Variants in TTBK2 observed in about 807,000 individuals in gnomAD.
TTBK2 encodes the protein tau tubulin kinase 2, also known as tau-tubulin kinase 2.
Under a neutral mutation model 110.8 loss-of-function variants are expected in TTBK2, and 28 were observed. That is an observed-to-expected ratio of 0.25 (90% CI 0.19 to 0.35). TTBK2 has a LOEUF of 0.35. Ranked by LOEUF, TTBK2 falls within the 10% of genes least tolerant of loss-of-function variation. TTBK2 has a pLI of 1.00. For missense variants in TTBK2, 1,369 were observed against 1,500.3 expected, an observed-to-expected ratio of 0.91 and a Z score of 1.45; for synonymous variants, 532 against 527.3, an observed-to-expected ratio of 1.01 and a Z score of -0.12.
At chr15:42,819,091 T>G (rs1487240076) in intron 6 of TTBK2, among the ~76,000 whole-genome samples, 1 of 151,326 alleles carries the variant, frequency 6.6e-6, no homozygotes, top group Non-Finnish European at 1.5e-5. Flanking sequence ...GTATAATTTT[T>G]GGGTTTTTTT....
At chr15:42,807,236 G>A (rs1370878136) in intron 9 of TTBK2, among the ~76,000 whole-genome samples, 1 of 152,056 alleles carries the variant, frequency 6.6e-6, no homozygotes, top group African/African-American at 2.4e-5. Flanking sequence ...TCTGATATTA[G>A]CAACGTTGTA....
At chr15:42,820,825 G>A (rs1567043255) in intron 6 of TTBK2, among the ~76,000 whole-genome samples, 1 of 151,930 alleles carries the variant, frequency 6.6e-6, no homozygotes, top group Non-Finnish European at 1.5e-5. Flanking sequence ...ACATCATAGT[G>A]AGACCCCCGT....
chr15:42,795,422 T>C (rs1157765886), intron 9 of TTBK2, among the ~76,000 whole-genome samples: 5 of 152,186 alleles, frequency 3.3e-5, no homozygotes, highest in African/African-American at 1.2e-4. Context: ...AAGTTTGATG[T>C]GATCTTAAGA....
intron 3 of TTBK2, among the ~76,000 whole-genome samples, chr15:42,849,773 T>C (rs1022785021): frequency 7.2e-5 from 11 of 152,200 alleles, no homozygotes; most frequent in African/African-American, 2.7e-4. Context: ...GTCTATCCCA[T>C]AATTCAATTC....
Position 42,752,081 on chromosome 15 carries a change from C to T in TTBK2, c.3165G>A (p.Arg1055=), listed in dbSNP as rs771064990. The part of the protein sequence containing the change: ...ISQSRKSKIP[R]PVSWVNTDQV... Reference sequence around the variant, plus strand: ...GATCTGTGTTGACCCATGAAACTGGCCTTGGAATTTTGCTCTTTCTAGACT... The same window carrying T: ...GATCTGTGTTGACCCATGAAACTGGTCTTGGAATTTTGCTCTTTCTAGACT... The change falls in exon 14 of 15, where the codon AGG becomes AGA. Residue 1055 remains arginine, a synonymous_variant. Coordinates refer to ENST00000267890, the MANE Select transcript of TTBK2 (RefSeq NM_173500.4). 1.2e-6 allele frequency: 2 copies of T among 1,614,156 alleles called. No homozygotes were observed. Among genetic ancestry groups the T allele is most frequent in the Admixed American group, 3.3e-5 (2 of 60,010 alleles).
intron 13 of TTBK2, among the ~76,000 whole-genome samples, chr15:42,768,661 T>C (rs1322184068): frequency 6.6e-6 from 1 of 152,144 alleles, no homozygotes; most frequent in African/African-American, 2.4e-5. Context: ...GAAGAATCAG[T>C]ATCGTGAAAA....
chr15:42,817,978 C>G (rs1374248385), intron 6 of TTBK2, among the ~76,000 whole-genome samples: 7 of 152,202 alleles, frequency 4.6e-5, no homozygotes, highest in Non-Finnish European at 8.8e-5. Flanking sequence ...TGGTGCCACT[C>G]TATTCTTTTA....
At chr15:42,893,219 A>G (rs1489291097) in intron 1 of TTBK2, among the ~76,000 whole-genome samples, 1 of 152,140 alleles carries the variant, frequency 6.6e-6, no homozygotes, top group East Asian at 1.9e-4. Context: ...AAATGAGGCC[A>G]GGTGCAGTGA....
intron 14 of TTBK2, among the ~76,000 whole-genome samples, chr15:42,748,470 A>C (rs941611258): frequency 6.6e-6 from 1 of 152,080 alleles, no homozygotes; most frequent in Non-Finnish European, 1.5e-5. Context: ...AGAAAAAAAA[A>C]AAACTAACCC....
chr15:42,887,449 C>T (rs911672060), intron 1 of TTBK2, among the ~76,000 whole-genome samples: 5 of 152,148 alleles, frequency 3.3e-5, no homozygotes, highest in South Asian at 2.1e-4. Flanking sequence ...ACCCTTACCC[C>T]GCTCAACGCC....
At chr15:42,887,610 A>ATCTGCGCCTT (rs1174828752) in intron 1 of TTBK2, among the ~76,000 whole-genome samples, 1 of 152,198 alleles carries the variant, frequency 6.6e-6, no homozygotes, top group Non-Finnish European at 1.5e-5. Flanking sequence ...TTAGTCCAGG[A>ATCTGCGCCTT]TCTGCGCCTT....
intron 9 of TTBK2, chr15:42,802,470 C>T: frequency 3.1e-6 from 2 of 651,166 alleles, no homozygotes; most frequent in South Asian, 3.2e-5. Flanking sequence ...GCTTCTTGGT[C>T]TGCACACAGT....
At chr15:42,902,121 C>T (rs2030066796) in intron 1 of TTBK2, among the ~76,000 whole-genome samples, 2 of 151,370 alleles carry the variant, frequency 1.3e-5, no homozygotes, top group Non-Finnish European at 2.9e-5. Flanking sequence ...GAGGCTGAGG[C>T]AGGAGAACTG....
At chr15:42,918,632 C>CTTTTTA (rs1490357992) in intron 1 of TTBK2, among the ~76,000 whole-genome samples, 3 of 152,072 alleles carry the variant, frequency 2.0e-5, no homozygotes, top group African/African-American at 7.2e-5. Context: ...TTTTAGTGCA[C>CTTTTTA]TTTTTAGAAG....
chr15:42,915,457 T>G (rs761502246), intron 1 of TTBK2, among the ~76,000 whole-genome samples: 18 of 152,370 alleles, frequency 1.2e-4, no homozygotes, highest in Admixed American at 3.3e-4. Context: ...ATTGTTATTA[T>G]TCCCTTACTA....
chr15:42,807,541 C>T (rs1268280056), intron 9 of TTBK2, among the ~76,000 whole-genome samples: 8 of 151,794 alleles, frequency 5.3e-5, no homozygotes, highest in African/African-American at 1.7e-4. Context: ...CCCAAGTAGC[C>T]GGGACTACAG....
At chr15:42,782,554 G>A (rs1214769381) in intron 11 of TTBK2, among the ~76,000 whole-genome samples, 8 of 152,150 alleles carry the variant, frequency 5.3e-5, no homozygotes, top group Non-Finnish European at 1.5e-5. Flanking sequence ...GCTCCTTAAA[G>A]GTAAAAGATG....
At chr15:42,749,080 CAG>C (rs2061832898) in intron 14 of TTBK2, among the ~76,000 whole-genome samples, 2 of 152,130 alleles carry the variant, frequency 1.3e-5, no homozygotes, top group African/African-American at 4.8e-5. Flanking sequence ...CAACTGGAGA[CAG>C]ACATAATCTT....
At chr15:42,795,540 A>G (rs1890899189) in intron 9 of TTBK2, among the ~76,000 whole-genome samples, 1 of 152,032 alleles carries the variant, frequency 6.6e-6, no homozygotes, top group Non-Finnish European at 1.5e-5. Context: ...TTACTATCCT[A>G]TCCTCTGAGA....
Sources: gnomAD v4.1 joint callset for allele counts (sites outside exome capture counted in the v4.1 genomes callset) on GRCh38, gnomAD v4.1.1 for gene constraint, MANE v1.5 for transcripts, NCBI Gene and HGNC (gene_info 2026-07-23, HGNC 2026-07-21) for gene names.